Variants in WWOX observed in about 807,000 individuals in gnomAD.
WWOX encodes WW domain-containing oxidoreductase.
WWOX carries 69 observed loss-of-function variants against 46.2 expected under a neutral mutation model. That is an observed-to-expected ratio of 1.49 (90% CI 1.23 to 1.82). The LOEUF (loss-of-function observed/expected upper bound fraction) is 1.82, where lower values mean the gene tolerates loss of function less well. Ranked by LOEUF, WWOX falls within the 40% of genes most tolerant of loss-of-function variation. WWOX has a pLI of 0.00. For missense variants in WWOX, 919 were observed against 542.6 expected, an observed-to-expected ratio of 1.69 and a Z score of -6.89; for synonymous variants, 359 against 202.6, an observed-to-expected ratio of 1.77 and a Z score of -6.56.
chr16:78,559,067 C>G (rs533272315), intron 8 of WWOX, among the ~76,000 whole-genome samples: 1 of 152,312 alleles, frequency 6.6e-6, no homozygotes, highest in East Asian at 1.9e-4. Flanking sequence ...ACACATAGTT[C>G]CGTCTGGCTT....
At chr16:78,897,091 AAAG>A (rs2151236206) in intron 8 of WWOX, 1 of 151,476 alleles carries the variant, frequency 6.6e-6, no homozygotes, top group Non-Finnish European at 1.5e-5. Flanking sequence ...AGAAAAAAAA[AAAG>A]AAAAAAATAG....
chr16:78,566,898 T>C (rs1341062519), intron 8 of WWOX, among the ~76,000 whole-genome samples: 1 of 152,212 alleles, frequency 6.6e-6, no homozygotes, highest in Non-Finnish European at 1.5e-5. Flanking sequence ...GGGTCACGTC[T>C]CTGTGAATAG....
intron 8 of WWOX, among the ~76,000 whole-genome samples, chr16:78,545,358 G>C (rs897830139): frequency 6.6e-6 from 1 of 151,910 alleles, no homozygotes; most frequent in African/African-American, 2.4e-5. Flanking sequence ...TATTGAGATG[G>C]TTCCTTTTAA....
intron 8 of WWOX, among the ~76,000 whole-genome samples, chr16:79,088,872 A>G (rs1041096834): frequency 6.6e-6 from 1 of 152,228 alleles, no homozygotes; most frequent in African/African-American, 2.4e-5. Flanking sequence ...TTTAAAGCTT[A>G]CTGAACATAT....
intron 8 of WWOX, among the ~76,000 whole-genome samples, chr16:79,135,655 C>G (rs952004843): frequency 1.3e-5 from 2 of 152,074 alleles, no homozygotes; most frequent in African/African-American, 4.8e-5. Flanking sequence ...TCAGTATTGA[C>G]CTCCCAAAAT....
intron 6 of WWOX, among the ~76,000 whole-genome samples, 169 bp from the exon 7 acceptor site, chr16:78,424,701 A>T (rs181824435): frequency 6.6e-6 from 1 of 152,268 alleles, no homozygotes; most frequent in Non-Finnish European, 1.5e-5. Flanking sequence ...TCCTATTTCT[A>T]CATGGTGGGA....
At chr16:78,125,448 A>T (rs1227588585) in intron 4 of WWOX, among the ~76,000 whole-genome samples, 1 of 152,126 alleles carries the variant, frequency 6.6e-6, no homozygotes, top group East Asian at 1.9e-4. Flanking sequence ...TTTGGAATCA[A>T]CCAATTTATT....
chr16:78,802,731 T>C (rs112943510), intron 8 of WWOX, among the ~76,000 whole-genome samples: 32,620 of 150,318 alleles, frequency 0.22, 3,726 homozygotes, highest in South Asian at 0.26. Flanking sequence ...GCCTGGGCAA[T>C]ATGGTGAAGC....
chr16:78,240,278 T>C (rs2151818067), intron 5 of WWOX, among the ~76,000 whole-genome samples: 1 of 151,752 alleles, frequency 6.6e-6, no homozygotes, highest in East Asian at 1.9e-4. Context: ...CAGGAGTTCA[T>C]TGCCAGCCTG....
chr16:78,502,452 G>A (rs2085093425), intron 8 of WWOX, among the ~76,000 whole-genome samples: 1 of 152,182 alleles, frequency 6.6e-6, no homozygotes, highest in Non-Finnish European at 1.5e-5. Flanking sequence ...CGTCTCTTGT[G>A]TCTGGTTTCT....
chr16:78,973,889 A>C (rs753450338), intron 8 of WWOX, among the ~76,000 whole-genome samples: 55 of 152,146 alleles, frequency 3.6e-4, no homozygotes, highest in Non-Finnish European at 7.4e-4. Flanking sequence ...ACTAGGGAAA[A>C]ATTTGCATGT....
chr16:78,266,566 C>A (rs971066195), intron 5 of WWOX, among the ~76,000 whole-genome samples: 1 of 152,176 alleles, frequency 6.6e-6, no homozygotes, highest in Admixed American at 6.5e-5. Context: ...CTGGAACTAG[C>A]CTGCTTGAGT....
chr16:79,086,463 G>C (rs2150590893), intron 8 of WWOX, among the ~76,000 whole-genome samples: 1 of 152,328 alleles, frequency 6.6e-6, no homozygotes, highest in East Asian at 1.9e-4. Context: ...TTTGAAAATA[G>C]ATTAACTTAT....
chr16:78,864,968 G>C (rs1190384288), intron 8 of WWOX, among the ~76,000 whole-genome samples: 2 of 151,624 alleles, frequency 1.3e-5, no homozygotes, highest in African/African-American at 2.4e-5. Flanking sequence ...TTACCATGTT[G>C]GCCAGGCTGG....
At chr16:78,827,370 G>C (rs972945961) in intron 8 of WWOX, among the ~76,000 whole-genome samples, 1 of 152,102 alleles carries the variant, frequency 6.6e-6, no homozygotes, top group Non-Finnish European at 1.5e-5. Flanking sequence ...GTAAGGCTCG[G>C]TGTCATCAAC....
At chr16:78,448,063 C>T (rs1180886232) in intron 8 of WWOX, among the ~76,000 whole-genome samples, 2 of 152,080 alleles carry the variant, frequency 1.3e-5, no homozygotes, top group African/African-American at 4.8e-5. Context: ...CTCAGCCTCC[C>T]GATGTGTTGG....
rs566646263 is a variant in WWOX at position 78,526,983 on chromosome 16, G to A, written c.1056+94231G>A. Among the ~76,000 whole-genome samples the A allele has an allele frequency of 3.9e-5, 6 of 152,272 alleles. No homozygotes were observed. The East Asian group carries it at 1.2e-3, about 30-fold the overall frequency. ...AGTTCAAGACCAGCCTGACCAACATGGTGAAACCCCATCTCTACTAACAAT... is the reference window on the plus strand; with the variant it reads ...AGTTCAAGACCAGCCTGACCAACATAGTGAAACCCCATCTCTACTAACAAT... On this transcript the variant is annotated intron_variant, in intron 8 of 8. Transcript: ENST00000566780.
At chr16:79,171,492 C>G (rs566621715) in intron 8 of WWOX, among the ~76,000 whole-genome samples, 1 of 152,084 alleles carries the variant, frequency 6.6e-6, no homozygotes, top group Non-Finnish European at 1.5e-5. Context: ...AGTTTGCTAC[C>G]CAGAATTTAA....
chr16:79,129,133 G>A (rs981263616), intron 8 of WWOX, among the ~76,000 whole-genome samples: 4 of 151,946 alleles, frequency 2.6e-5, no homozygotes, highest in African/African-American at 9.7e-5. Context: ...ATAAAATGTT[G>A]CCTCCTGTAT....
Sources: gnomAD v4.1 joint callset for allele counts (sites outside exome capture counted in the v4.1 genomes callset) on GRCh38, gnomAD v4.1.1 for gene constraint, MANE v1.5 for transcripts, NCBI Gene and HGNC (gene_info 2026-07-23, HGNC 2026-07-21) for gene names.